The following LRP1B variants were observed in gnomAD, a reference collection of about 807,000 sequenced individuals.
LRP1B encodes the protein LDL receptor related protein 1B.
LRP1B carries 217 observed loss-of-function variants against 556.6 expected under a neutral mutation model. The ratio of observed to expected loss-of-function variants is 0.39; its 90% CI spans 0.35 to 0.44. LRP1B has a LOEUF of 0.44. LRP1B is among the 20% of genes least tolerant of loss of function. The pLI is 1.00. For missense variants in LRP1B, 5,053 were observed against 5,620.8 expected (o/e 0.90, Z 3.23); for synonymous variants, 2,047 against 1,865.8 (o/e 1.10, Z -2.50).
intron 6 of LRP1B, among the ~76,000 whole-genome samples, chr2:141,210,120 C>A (rs113446804): frequency 0.015 from 2,247 of 151,376 alleles, 33 homozygotes; most frequent in Middle Eastern, 0.035. Context: ...ATGCGGCGTG[C>A]ATTTTATGAC....
intron 43 of LRP1B, among the ~76,000 whole-genome samples, chr2:140,543,697 AT>A (rs1292785288): frequency 1.3e-5 from 2 of 152,004 alleles, no homozygotes; most frequent in Admixed American, 1.3e-4. Context: ...AATAAATAAA[AT>A]AAAAAGAATC....
At chr2:140,954,440 C>T (rs1196680568) in intron 18 of LRP1B, among the ~76,000 whole-genome samples, 1 of 152,022 alleles carries the variant, frequency 6.6e-6, no homozygotes, top group Non-Finnish European at 1.5e-5. Flanking sequence ...TTTTATCTCT[C>T]TTCTATAAAC....
rs542232808 is a variant in LRP1B, at chr2:142,031,336, T to A, written c.82+99312A>T. Among the ~76,000 whole-genome samples the A allele has an allele frequency of 1.3e-3, 173 of 137,226 alleles. 10 individuals are homozygous for A. The highest frequency in any genetic ancestry group is 4.1e-3 in the African/African-American group (159 of 38,524). 90.0% of individuals were successfully genotyped at this position (137,226 alleles called of 152,430 possible). A position where few individuals can be genotyped will look rare whatever the true frequency, so the allele number is the denominator to read the frequency against. On this transcript the variant is annotated intron_variant, in intron 1 of 90. Coordinates refer to ENST00000389484, the MANE Select transcript of LRP1B (RefSeq NM_018557.3). The stretch of plus-strand genomic sequence containing the variant: ...AGAAAGGTTGATTATACTTATTTTT[T>A]TTTTTTTTTTTTATTATACTCTAAG...
At chr2:141,402,218 T>G (rs1690474654) in intron 3 of LRP1B, among the ~76,000 whole-genome samples, 1 of 152,180 alleles carries the variant, frequency 6.6e-6, no homozygotes, top group African/African-American at 2.4e-5. Context: ...TTTTGCTTTC[T>G]GTTTTGAACT....
Position 140,484,853 on chromosome 2 carries a change from A to G in LRP1B, c.9425+490T>C, listed in dbSNP as rs548273459. Among the ~76,000 whole-genome samples, 7 of 152,204 alleles carry G rather than the reference A, an allele frequency of 4.6e-5. No homozygotes were observed. In the South Asian group the frequency reaches 8.3e-4, roughly 18 times the overall value. ...ACGGATCCACCACAAACTCTTCCCA[A>G]TAGTCCCATTCAGCTTTTCATCTTG... On this transcript the variant is annotated intron_variant, in intron 59 of 90. Transcript: ENST00000389484.
intron 7 of LRP1B, among the ~76,000 whole-genome samples, chr2:141,139,864 G>A (rs1019724733): frequency 1.3e-5 from 2 of 150,476 alleles, no homozygotes; most frequent in South Asian, 4.2e-4. Flanking sequence ...CAAGAAAAAA[G>A]GAAGTTTATT....
At chr2:140,469,728 G>T (rs1687688228) in intron 60 of LRP1B, among the ~76,000 whole-genome samples, 2 of 152,098 alleles carry the variant, frequency 1.3e-5, no homozygotes, top group African/African-American at 4.8e-5. Flanking sequence ...TAATATTAGA[G>T]GCTCTAACAA....
At chr2:140,909,814 T>C (rs1414888202) in intron 21 of LRP1B, among the ~76,000 whole-genome samples, 2 of 151,032 alleles carry the variant, frequency 1.3e-5, no homozygotes, top group African/African-American at 4.8e-5. Flanking sequence ...ACAGATTTCA[T>C]ATCTATAGAG....
intron 2 of LRP1B, among the ~76,000 whole-genome samples, chr2:141,492,079 G>GAAAAAA (rs1553521014): frequency 5.0e-4 from 4 of 8,062 alleles, no homozygotes; most frequent in Admixed American, 1.9e-3. Flanking sequence ...TTAGCTTTCT[G>GAAAAAA]AAAAAAAAAA....
chr2:141,102,724 T>G (rs543076343), intron 7 of LRP1B, among the ~76,000 whole-genome samples: 3 of 152,128 alleles, frequency 2.0e-5, no homozygotes, highest in African/African-American at 7.2e-5. Context: ...AATGCTTTTA[T>G]GTTGATAGGC....
chr2:140,391,161 T>C (rs1684002226), intron 66 of LRP1B, among the ~76,000 whole-genome samples: 1 of 152,158 alleles, frequency 6.6e-6, no homozygotes, highest in African/African-American at 2.4e-5. Flanking sequence ...TTGGAATATA[T>C]TCATAACATT....
intron 7 of LRP1B, among the ~76,000 whole-genome samples, chr2:141,106,426 T>C (rs1700603543): frequency 6.6e-6 from 1 of 152,066 alleles, no homozygotes; most frequent in Non-Finnish European, 1.5e-5. Flanking sequence ...TGTACAGATT[T>C]AAAAATAAAT....
intron 7 of LRP1B, among the ~76,000 whole-genome samples, chr2:141,182,660 C>G (rs535574473): frequency 7.3e-4 from 111 of 151,948 alleles, no homozygotes; most frequent in Non-Finnish European, 1.3e-3. Context: ...TCTGATTTTC[C>G]TCCTAAAGAA....
At position 140,626,020 on chromosome 2, in the gene LRP1B, G is replaced by A; in HGVS notation, c.6800-24381C>T. On this transcript the variant is annotated intron_variant, in intron 41 of 90. Transcript: ENST00000389484. ...GCATAAATAAATTGTGGTATATCCAGGCAATGGAATGCTATTCACTGCTAA... is the reference window on the plus strand; with the variant it reads ...GCATAAATAAATTGTGGTATATCCAAGCAATGGAATGCTATTCACTGCTAA... Among the ~76,000 whole-genome samples the A allele has an allele frequency of 1.3e-5, 2 of 152,144 alleles. 1 individual carries two copies. Among genetic ancestry groups the A allele is most frequent in the East Asian group, 3.8e-4 (2 of 5,196 alleles).
chr2:141,236,153 A>C (rs575642541), intron 5 of LRP1B, among the ~76,000 whole-genome samples: 1 of 152,184 alleles, frequency 6.6e-6, no homozygotes, highest in African/African-American at 2.4e-5. Context: ...TTTTGCTTTT[A>C]TTTGGGGGGA....
intron 20 of LRP1B, among the ~76,000 whole-genome samples, chr2:140,948,390 T>C (rs2105296488): frequency 6.6e-6 from 1 of 152,314 alleles, no homozygotes; most frequent in South Asian, 2.1e-4. Context: ...ACATATACTT[T>C]TTCTTTTTTC....
At chr2:141,514,758 G>T (rs1316454118) in intron 2 of LRP1B, among the ~76,000 whole-genome samples, 1 of 152,152 alleles carries the variant, frequency 6.6e-6, no homozygotes, top group Admixed American at 6.5e-5. Context: ...TTAGCCTACA[G>T]TTGGGCAAAA....
intron 3 of LRP1B, among the ~76,000 whole-genome samples, chr2:141,424,175 G>T (rs1016495233): frequency 2.0e-5 from 3 of 150,158 alleles, no homozygotes; most frequent in Non-Finnish European, 4.4e-5. Flanking sequence ...GGGCAAAGGC[G>T]CAATCTTGGC....
intron 2 of LRP1B, among the ~76,000 whole-genome samples, chr2:141,715,269 A>C (rs1692537330): frequency 6.6e-6 from 1 of 152,018 alleles, no homozygotes; most frequent in African/African-American, 2.4e-5. Context: ...GGAGTTCGAC[A>C]CCAGCCTGGG....
Sources: allele counts gnomAD v4.1 joint callset (sites outside exome capture counted in the v4.1 genomes callset), GRCh38; gene constraint gnomAD v4.1.1; transcripts MANE v1.5; gene names NCBI Gene and HGNC (gene_info 2026-07-23, HGNC 2026-07-21).